CNTNAP4: variants seen among roughly 807,000 people sequenced by gnomAD.
CNTNAP4 encodes the protein contactin associated protein family member 4, also known as contactin-associated protein-like 4.
A neutral mutation model predicts 148.4 loss-of-function variants in CNTNAP4; 98 were observed. That is an observed-to-expected ratio of 0.66 (90% CI 0.56 to 0.78). The LOEUF is 0.78. CNTNAP4 is among the 30% of genes least tolerant of loss of function. CNTNAP4 has a pLI of 0.00. For missense variants in CNTNAP4, 1,935 were observed against 1,565.6 expected, an observed-to-expected ratio of 1.24 and a Z score of -3.98; for synonymous variants, 730 against 565.1, an observed-to-expected ratio of 1.29 and a Z score of -4.14.
In CNTNAP4 at chr16:76,509,973, T is replaced by C. The variant is rs1181275162; in HGVS notation, c.2366-11167T>C. ...TATTGGGAACAGCTTAATTGACATA[T>C]AATTCACAGCCTATAATTCACCCTT... On this transcript the variant is annotated intron_variant, in intron 15 of 23. Coordinates refer to ENST00000611870, the MANE Select transcript of CNTNAP4 (RefSeq NM_033401.5). Among the ~76,000 whole-genome samples, 32 of 97,014 alleles carry C rather than the reference T, an allele frequency of 3.3e-4. 3 individuals carry two copies. The highest frequency in any genetic ancestry group is 8.0e-4 in the African/African-American group (31 of 38,886). The allele number at this position is 97,014 out of a possible 152,430, so 63.6% of individuals were successfully genotyped here. A position where few individuals can be genotyped will look rare whatever the true frequency, so the allele number is the denominator to read the frequency against.
intron 12 of CNTNAP4, among the ~76,000 whole-genome samples, chr16:76,481,504 A>AC (rs2081826998): frequency 6.6e-6 from 1 of 151,942 alleles, no homozygotes; most frequent in Non-Finnish European, 1.5e-5. Flanking sequence ...ACATAGTGAG[A>AC]CCCCATCTCT....
chr16:76,512,877 A>G (rs1184145021), intron 15 of CNTNAP4, among the ~76,000 whole-genome samples: 1 of 152,322 alleles, frequency 6.6e-6, no homozygotes, highest in East Asian at 1.9e-4. Context: ...ACTGTGTTAA[A>G]TGTTGTTAGC....
At chr16:76,375,387 A>C (rs984577730) in intron 3 of CNTNAP4, among the ~76,000 whole-genome samples, 7 of 152,120 alleles carry the variant, frequency 4.6e-5, no homozygotes, top group Non-Finnish European at 7.4e-5. Flanking sequence ...ACGACACTGC[A>C]CTCCAGCCTA....
At chr16:76,402,163 C>T (rs960675033) in intron 3 of CNTNAP4, among the ~76,000 whole-genome samples, 11 of 152,034 alleles carry the variant, frequency 7.2e-5, no homozygotes, top group South Asian at 4.2e-4. Flanking sequence ...GCTGTGAATC[C>T]GTCTGGCCCT....
In CNTNAP4 at chr16:76,532,721, A is replaced by G. The variant is rs149002265; in HGVS notation, c.2756-2824A>G. ...TTCCTGTGCCAAAGTGAAAACCAAGATGTGAGCTGGACCTTACCCAGGGAA... is the reference window on the plus strand; with the variant it reads ...TTCCTGTGCCAAAGTGAAAACCAAGGTGTGAGCTGGACCTTACCCAGGGAA... On this transcript the variant is annotated intron_variant, in intron 17 of 23. Coordinates refer to ENST00000611870, the MANE Select transcript of CNTNAP4 (RefSeq NM_033401.5). Among the ~76,000 whole-genome samples the G allele has an allele frequency of 6.6e-4, 101 of 152,282 alleles. 1 individual carries two copies. The highest frequency in any genetic ancestry group is 2.4e-3 in the African/African-American group (101 of 41,570).
intron 2 of CNTNAP4, among the ~76,000 whole-genome samples, chr16:76,346,292 G>T (rs1964893997): frequency 6.6e-6 from 1 of 152,032 alleles, no homozygotes; most frequent in African/African-American, 2.4e-5. Context: ...CTATGCCCTA[G>T]TAATGCCGGC....
chr16:76,345,339 TC>T (rs1964814350), intron 2 of CNTNAP4, among the ~76,000 whole-genome samples: 1 of 152,168 alleles, frequency 6.6e-6, no homozygotes, highest in South Asian at 2.1e-4. Flanking sequence ...GGAGTATGAT[TC>T]ATTAGGCAGA....
At chr16:76,447,887 G>A in intron 4 of CNTNAP4, 125 bp from the exon 5 acceptor site, 1 of 642,552 alleles carries the variant, frequency 1.6e-6, no homozygotes, top group Non-Finnish European at 2.7e-6. Context: ...CATTAGTTGA[G>A]GAGCATCTGT....
intron 23 of CNTNAP4, among the ~76,000 whole-genome samples, chr16:76,555,094 C>T (rs557338554): frequency 3.9e-5 from 6 of 152,094 alleles, no homozygotes; most frequent in Middle Eastern, 3.4e-3. Context: ...GAAAGGTGAA[C>T]CACTTAACAT....
At chr16:76,555,841 C>T (rs983546563) in intron 23 of CNTNAP4, among the ~76,000 whole-genome samples, 7 of 152,182 alleles carry the variant, frequency 4.6e-5, no homozygotes, top group Non-Finnish European at 8.8e-5. Context: ...GTCCCTGAAA[C>T]TAGTGATGTC....
intron 3 of CNTNAP4, among the ~76,000 whole-genome samples, chr16:76,406,886 T>C (rs2078615774): frequency 6.6e-6 from 1 of 152,156 alleles, no homozygotes; most frequent in African/African-American, 2.4e-5. Context: ...AGCAAATCCT[T>C]AGGATGAAGC....
At chr16:76,342,070 A>C (rs563105082) in intron 2 of CNTNAP4, among the ~76,000 whole-genome samples, 3 of 152,340 alleles carry the variant, frequency 2.0e-5, no homozygotes, top group Admixed American at 2.0e-4. Flanking sequence ...AGCAGAAGCA[A>C]AAAGCTGCTG....
intron 3 of CNTNAP4, among the ~76,000 whole-genome samples, chr16:76,396,484 A>T (rs978444308): frequency 1.3e-5 from 2 of 152,182 alleles, no homozygotes; most frequent in African/African-American, 4.8e-5. Context: ...CTAACCAAAG[A>T]GGTGGATGTC....
At chr16:76,503,574 A>T (rs368280642) in intron 15 of CNTNAP4, among the ~76,000 whole-genome samples, 1 of 152,156 alleles carries the variant, frequency 6.6e-6, no homozygotes, top group South Asian at 2.1e-4. Flanking sequence ...ACATGTGCAC[A>T]ATGTGCAGGT....
At chr16:76,524,225 C>G (rs781312682) in intron 17 of CNTNAP4, among the ~76,000 whole-genome samples, 2 of 152,008 alleles carry the variant, frequency 1.3e-5, no homozygotes, top group African/African-American at 4.8e-5. Flanking sequence ...GATCTTGTGA[C>G]CACTTGATTG....
intron 1 of CNTNAP4, among the ~76,000 whole-genome samples, chr16:76,301,690 C>T (rs981043844): frequency 1.3e-5 from 2 of 152,026 alleles, no homozygotes; most frequent in African/African-American, 4.8e-5. Context: ...AAAGGTTTTG[C>T]AAAAGAGGAA....
intron 17 of CNTNAP4, among the ~76,000 whole-genome samples, chr16:76,532,174 G>A (rs534261068): frequency 6.6e-6 from 1 of 152,294 alleles, no homozygotes; most frequent in East Asian, 1.9e-4. Context: ...AGCTTGGAGA[G>A]CTGAAGTGTT....
intron 1 of CNTNAP4, among the ~76,000 whole-genome samples, chr16:76,283,338 T>C (rs879604824): frequency 1.3e-5 from 2 of 152,028 alleles, no homozygotes; most frequent in African/African-American, 4.8e-5. Context: ...GAAATCGTTC[T>C]GTTATAAAGA....
chr16:76,418,393 T>TTA lies in CNTNAP4; in HGVS notation c.391-9047_391-9046dup, dbSNP rs200678638. Among the ~76,000 whole-genome samples, 5 of 124,374 alleles carry TTA rather than the reference T, an allele frequency of 4.0e-5. No individual in the cohort carries two copies. In the East Asian group the frequency reaches 6.2e-4, roughly 15 times the overall value. The allele number at this position is 124,374 out of a possible 152,430, so 81.6% of individuals were successfully genotyped here. Reference sequence around the variant, plus strand: ...TGAGAAATTTGTATCTTCTTTTCTTTTATATATATATATTTTTATTATACT... The same window carrying TTA: ...TGAGAAATTTGTATCTTCTTTTCTTTTATATATATATATATTTTTATTATACT... On this transcript the variant is annotated intron_variant, in intron 3 of 23. Coordinates refer to ENST00000611870, the MANE Select transcript of CNTNAP4 (RefSeq NM_033401.5).
Sources: allele counts gnomAD v4.1 joint callset (sites outside exome capture counted in the v4.1 genomes callset), GRCh38; gene constraint gnomAD v4.1.1; transcripts MANE v1.5; gene names NCBI Gene and HGNC (gene_info 2026-07-23, HGNC 2026-07-21).